The following HOXD3 variants were observed in gnomAD, a reference collection of about 807,000 sequenced individuals.
HOXD3 encodes the protein homeobox protein Hox-D3.
In HOXD3, 13 loss-of-function variants were observed where a neutral mutation model predicts 32.8. The observed-to-expected ratio is 0.40, with a 90% CI of 0.26 to 0.63. HOXD3 has a LOEUF of 0.63. Ranked by LOEUF, HOXD3 falls within the 20% of genes least tolerant of loss-of-function variation. The pLI is 0.44. For missense variants in HOXD3, 504 were observed against 577.1 expected (o/e 0.87, Z 1.30); for synonymous variants, 241 against 246.8 (o/e 0.98, Z 0.22).
upstream of HOXD3, among the ~76,000 whole-genome samples, chr2:176,155,596 C>T (rs931276505): frequency 5.3e-5 from 8 of 152,190 alleles, no homozygotes; most frequent in African/African-American, 1.9e-4. Flanking sequence ...TCCATTTGGG[C>T]CCACAGGAGT....
chr2:176,156,261 G>A (rs1457415885), upstream of HOXD3, among the ~76,000 whole-genome samples: 2 of 152,186 alleles, frequency 1.3e-5, no homozygotes, highest in Admixed American at 1.3e-4. Flanking sequence ...CCTCCTTAAT[G>A]TACACACACT....
chr2:176,164,256 T>C (rs181867793), intron 2 of HOXD3, 88 bp downstream of exon 2: 1 of 152,076 alleles, frequency 6.6e-6, no homozygotes, highest in Admixed American at 6.5e-5. Context: ...CATCAAGACA[T>C]AGAACAAAGG....
intron 3 of HOXD3, 103 bp from the exon 4 acceptor site, chr2:176,171,414 G>T (rs1691174939): frequency 4.2e-5 from 44 of 1,051,672 alleles, no homozygotes; most frequent in Non-Finnish European, 5.7e-5. Context: ...GATTGGAGGT[G>T]GGGGGAGGGA....
chr2:176,165,792 A>C (rs935099018), intron 2 of HOXD3: 4 of 152,116 alleles, frequency 2.6e-5, no homozygotes, highest in Non-Finnish European at 5.9e-5. Flanking sequence ...CCAAATGAGC[A>C]AAGGTACCAA....
chr2:176,169,876 T>A (rs1691116128), intron 3 of HOXD3, among the ~76,000 whole-genome samples: 1 of 152,128 alleles, frequency 6.6e-6, no homozygotes, highest in African/African-American at 2.4e-5. Context: ...GGACAGGTCT[T>A]ATAGCTATTA....
chr2:176,172,114 C>G lies in HOXD3; in HGVS notation c.1139C>G (p.Ser380Trp). 1 of 1,612,922 alleles carries G rather than the reference C, an allele frequency of 6.2e-7. No homozygotes were observed. Among genetic ancestry groups the G allele is most frequent in the Middle Eastern group, 1.6e-4 (1 of 6,062 alleles). The change falls in exon 4 of 4, where the codon TCG becomes TGG. Residue 380 changes from serine to tryptophan, a missense_variant. By Grantham distance (177) the Ser-to-Trp change is radical. Coordinates refer to ENST00000683222, the MANE Select transcript of HOXD3 (RefSeq NM_006898.5). ...CCTGTCTTCAACCTGGGCCACCTCT[C>G]GCACCCGTCGTCGGCCAGCGTGGAC... is the stretch of plus-strand genomic sequence containing the variant. ...SGPVFNLGHL[S>W]HPSSASVDYS... is the part of the protein sequence containing the mutation.
chr2:176,166,940 T>C (rs767705073), intron 2 of HOXD3, among the ~76,000 whole-genome samples: 7 of 152,232 alleles, frequency 4.6e-5, no homozygotes, highest in Non-Finnish European at 8.8e-5. Flanking sequence ...GCTGTCTAGA[T>C]GATGTGGTAC....
intron 3 of HOXD3, 141 bp downstream of exon 3, chr2:176,169,796 T>G (rs1251081330): frequency 3.7e-6 from 4 of 1,068,536 alleles, no homozygotes; most frequent in Non-Finnish European, 5.3e-6. Flanking sequence ...TTTTTAGTGT[T>G]CCTGATTGGG....
At chr2:176,166,721 T>C (rs552397132) in intron 2 of HOXD3, among the ~76,000 whole-genome samples, 1 of 152,340 alleles carries the variant, frequency 6.6e-6, no homozygotes, top group East Asian at 1.9e-4. Flanking sequence ...TACAACATAG[T>C]ATCTTGGTAT....
chr2:176,171,190 C>T (rs1288147843), intron 3 of HOXD3, among the ~76,000 whole-genome samples: 1 of 152,122 alleles, frequency 6.6e-6, no homozygotes, highest in Non-Finnish European at 1.5e-5. Flanking sequence ...ACCAGCTGCT[C>T]CTGGTCTCTC....
At position 176,172,475 on chromosome 2, in the gene HOXD3, T is replaced by A; in HGVS notation, c.*201T>A. 1 of 578,542 alleles carries A rather than the reference T, an allele frequency of 1.7e-6. No individual in the cohort carries two copies. The highest frequency in any genetic ancestry group is 3.0e-6 in the Non-Finnish European group (1 of 329,084). 35.8% of individuals were successfully genotyped at this position (578,542 alleles called of 1,614,324 possible). ...TGGGCGTCCTTTGGGTGACTCGCCA[T>A]AAATCAGCCGCAAGGATCCTTCCCT... On this transcript the variant is annotated 3_prime_UTR_variant, in exon 4 of 4. Coordinates refer to ENST00000683222, the MANE Select transcript of HOXD3 (RefSeq NM_006898.5).
upstream of HOXD3, among the ~76,000 whole-genome samples, chr2:176,157,205 G>A (rs1690666546): frequency 6.6e-6 from 1 of 152,134 alleles, no homozygotes; most frequent in African/African-American, 2.4e-5. Flanking sequence ...TCATAACCCG[G>A]AGAATTTTCT....
chr2:176,155,137 C>T (rs1248224860), upstream of HOXD3, among the ~76,000 whole-genome samples: 3 of 152,210 alleles, frequency 2.0e-5, no homozygotes, highest in Non-Finnish European at 4.4e-5. Flanking sequence ...AGCCGCTATC[C>T]TTAGGCAAGT....
chr2:176,154,880 G>A (rs1464601039), upstream of HOXD3, among the ~76,000 whole-genome samples: 1 of 152,226 alleles, frequency 6.6e-6, no homozygotes, highest in African/African-American at 2.4e-5. Context: ...AAAGCACAGA[G>A]TTCATACATA....
chr2:176,158,144 G>A (rs1690689376), intron 1 of HOXD3, among the ~76,000 whole-genome samples: 1 of 152,072 alleles, frequency 6.6e-6, no homozygotes, highest in Non-Finnish European at 1.5e-5. Flanking sequence ...CTTCTTTCCC[G>A]TTTATTTTTG....
At chr2:176,152,728 T>C, upstream of HOXD3, 1 of 1,614,198 alleles carries the variant, frequency 6.2e-7, no homozygotes, top group Non-Finnish European at 8.5e-7. This position sits in a 1 kb window ranked among gnomAD's most constrained non-coding sequence, Gnocchi z 5.2. Flanking sequence ...CGCCGTCGGA[T>C]TGAAATCGCT....
intron 1 of HOXD3, among the ~76,000 whole-genome samples, chr2:176,159,072 G>A (rs1690717876): frequency 6.6e-6 from 1 of 152,206 alleles, no homozygotes; most frequent in African/African-American, 2.4e-5. Context: ...AAATCTTTCC[G>A]GTTTATTGCT....
upstream of HOXD3, among the ~76,000 whole-genome samples, chr2:176,156,781 A>G (rs145702573): frequency 2.0e-5 from 3 of 152,340 alleles, no homozygotes; most frequent in East Asian, 5.8e-4. Flanking sequence ...CAGGAGTCCC[A>G]AAATAGATGG....
intron 2 of HOXD3, among the ~76,000 whole-genome samples, chr2:176,166,948 T>TAC (rs1690989796): frequency 6.6e-6 from 1 of 152,194 alleles, no homozygotes; most frequent in South Asian, 2.1e-4. Context: ...GATGATGTGG[T>TAC]ACATCATGAT....
Sources: gnomAD v4.1 joint callset for allele counts (sites outside exome capture counted in the v4.1 genomes callset) on GRCh38, gnomAD v4.1.1 for gene constraint, Gnocchi (gnomAD v3.1) non-coding constraint, MANE v1.5 for transcripts, NCBI Gene and HGNC (gene_info 2026-07-23, HGNC 2026-07-21) for gene names.